CCDC102A: variants seen among roughly 807,000 people sequenced by gnomAD.
The protein encoded by CCDC102A is coiled-coil domain containing 102A.
In CCDC102A, 40 loss-of-function variants were observed where a neutral mutation model predicts 55.5. The observed-to-expected ratio is 0.72, with a 90% CI of 0.56 to 0.94. The LOEUF (loss-of-function observed/expected upper bound fraction) is 0.94. Among genes scored for constraint, CCDC102A ranks in the 40% least tolerant of loss-of-function variants. The probability of loss-of-function intolerance (pLI) is 0.00; values close to 1 mark genes in which losing one functional copy is unlikely to be tolerated. For missense variants in CCDC102A, 779 were observed against 768.6 expected, an observed-to-expected ratio of 1.01 and a Z score of -0.16; for synonymous variants, 323 against 339.0, an observed-to-expected ratio of 0.95 and a Z score of 0.52.
rs2032206322 is a variant in CCDC102A, at chr16:57,529,212, G to T, written c.-35C>A. The T allele has an allele frequency of 3.5e-6, 4 of 1,158,502 alleles. No homozygotes were observed. The highest frequency in any genetic ancestry group is 4.3e-6 in the Non-Finnish European group (4 of 940,024). The allele number at this position is 1,158,502 out of a possible 1,614,324, so 71.8% of individuals were successfully genotyped here. A position where few individuals can be genotyped will look rare whatever the true frequency, so the allele number is the denominator to read the frequency against. On this transcript the variant is annotated 5_prime_UTR_variant, in exon 2 of 9. Transcript: ENST00000258214. The surrounding 1 kb of genome is among the most constrained non-coding windows in gnomAD (Gnocchi z 4.1). The stretch of plus-strand genomic sequence containing the variant: ...GGGCGGGCCCTGAGCTCGAACTCGC[G>T]GTCGGGCTCAGGGGCGGCTCCGGGG...
chr16:57,514,997 C>T (rs2031928115), intron 8 of CCDC102A, among the ~76,000 whole-genome samples: 1 of 152,144 alleles, frequency 6.6e-6, no homozygotes, highest in Non-Finnish European at 1.5e-5. Flanking sequence ...CACCTGGGCC[C>T]AGTAACGCTG....
At chr16:57,527,471 G>C (rs1189934419) in intron 2 of CCDC102A, among the ~76,000 whole-genome samples, 1 of 150,710 alleles carries the variant, frequency 6.6e-6, no homozygotes, top group Non-Finnish European at 1.5e-5. Flanking sequence ...CCAGGCTGGA[G>C]TGCAATGGTG....
At chr16:57,523,445 C>T (rs2032083811) in intron 3 of CCDC102A, among the ~76,000 whole-genome samples, 1 of 151,992 alleles carries the variant, frequency 6.6e-6, no homozygotes, top group Admixed American at 6.6e-5. Context: ...ACCCTGACCT[C>T]TGCCTACATC....
intron 4 of CCDC102A, among the ~76,000 whole-genome samples, chr16:57,520,588 TAAC>T (rs2032029969): frequency 8.0e-6 from 1 of 125,452 alleles, no homozygotes; most frequent in Non-Finnish European, 1.6e-5. Flanking sequence ...TAACATAACA[TAAC>T]ATAAATAAAA....
At chr16:57,534,892 G>C (rs771473356) in intron 1 of CCDC102A, among the ~76,000 whole-genome samples, 1 of 152,218 alleles carries the variant, frequency 6.6e-6, no homozygotes, top group African/African-American at 2.4e-5. Flanking sequence ...TGGGAACAGC[G>C]TTGTGTTTTG....
Position 57,528,750 on chromosome 16 carries a change from C to T in CCDC102A, c.428G>A (p.Arg143His), listed in dbSNP as rs1413327021. Residue 143 changes from arginine to histidine, a missense_variant, in exon 2 of 9, where the codon CGC becomes CAC. Transcript: ENST00000258214. ...CTCGCACTCGCCCTGCGCCTCTTGG[C>T]GCTCGCGCCGTGCGCCCGCCAGCTC... ...TKELAGARRERQEAQGECEAR... is the reference protein window; with the variant it reads ...TKELAGARREHQEAQGECEAR... The T allele has an allele frequency of 2.6e-6, 3 of 1,173,698 alleles. No homozygotes were observed. The highest frequency in any genetic ancestry group is 3.2e-6 in the Non-Finnish European group (3 of 943,014). 72.7% of individuals were successfully genotyped at this position (1,173,698 alleles called of 1,614,324 possible).
upstream of CCDC102A, chr16:57,536,717 GGGGCTCCAGCCTAA>G (rs2032402170): frequency 6.6e-6 from 1 of 152,204 alleles, no homozygotes; most frequent in African/African-American, 2.4e-5. Flanking sequence ...TGCTGGGGTG[GGGGCTCCAGCCTAA>G]CTTCGGGGCG....
At chr16:57,519,256 C>T (rs1166938359) in intron 4 of CCDC102A, among the ~76,000 whole-genome samples, 1 of 152,222 alleles carries the variant, frequency 6.6e-6, no homozygotes, top group South Asian at 2.1e-4. Context: ...CTTTCTGAGA[C>T]ACTTCTTAGG....
intron 2 of CCDC102A, 109 bp downstream of exon 2, chr16:57,528,484 C>T (rs2032182141): frequency 1.2e-6 from 1 of 819,160 alleles, no homozygotes; most frequent in African/African-American, 1.9e-5. Context: ...GAAGTGAAAC[C>T]TCCAGGAGGC....
chr16:57,517,836 G>A (rs757127803), intron 6 of CCDC102A, among the ~76,000 whole-genome samples: 4 of 152,232 alleles, frequency 2.6e-5, no homozygotes, highest in Non-Finnish European at 4.4e-5. Flanking sequence ...AAGAGGGGAG[G>A]CCACATCTGT....
Position 57,521,065 on chromosome 16 carries a change from C to T in CCDC102A, c.921+3G>A, listed in dbSNP as rs754402891. 2.5e-6 allele frequency: 4 copies of T among 1,610,104 alleles called. No homozygotes were observed. In the South Asian group the frequency reaches 3.3e-5, roughly 13 times the overall value. ...GGAAGACCCTCTGGTCTCCAAGACT[C>T]ACCTGCTTGAGCATCTCCTGCTTGG... On this transcript the variant is annotated splice_donor_region_variant and intron_variant, in intron 4 of 8. Transcript: ENST00000258214.
In CCDC102A at chr16:57,521,060, A is replaced by G. The variant is rs1341320550; in HGVS notation, c.921+8T>C. 2 of 1,607,328 alleles carry G rather than the reference A, an allele frequency of 1.2e-6. No individual in the cohort carries two copies. Among genetic ancestry groups the G allele is most frequent in the Non-Finnish European group, 1.7e-6 (2 of 1,174,456 alleles). On this transcript the variant is annotated splice_region_variant and intron_variant, in intron 4 of 8. Transcript: ENST00000258214. ...CTCCAGGAAGACCCTCTGGTCTCCA[A>G]GACTCACCTGCTTGAGCATCTCCTG...
chr16:57,515,395 T>C lies in CCDC102A; in HGVS notation c.1469A>G (p.Glu490Gly). ...CAGGTTCTCGCTCTGCTCCGTCTGC[T>C]CGTCCAGCGACCGCTGCAGCTTACG... Reference protein sequence around the residue: ...QARKLQRSLDEQTEQSENLQV... With the variant: ...QARKLQRSLDGQTEQSENLQV... Residue 490 changes from glutamate to glycine, a missense_variant, in exon 8 of 9, where the codon GAG (glutamate) becomes GGG (glycine). Physicochemically the swap from Glu to Gly is moderately conservative, Grantham distance 98 (BLOSUM62 -2). Transcript: ENST00000258214. 10 of 1,609,984 alleles carry C rather than the reference T, an allele frequency of 6.2e-6. No individual in the cohort carries two copies. Among genetic ancestry groups the C allele is most frequent in the Non-Finnish European group, 8.5e-6 (10 of 1,179,296 alleles).
chr16:57,520,278 G>A (rs1369296707), intron 4 of CCDC102A, among the ~76,000 whole-genome samples: 1 of 152,110 alleles, frequency 6.6e-6, no homozygotes, highest in Non-Finnish European at 1.5e-5. Flanking sequence ...CCTTTGCACC[G>A]CTGTGCCTTC....
chr16:57,524,741 G>C (rs539294062), intron 3 of CCDC102A, among the ~76,000 whole-genome samples: 2 of 150,546 alleles, frequency 1.3e-5, no homozygotes, highest in Non-Finnish European at 3.0e-5. Context: ...TGTGTAGATA[G>C]GTTATGCTAT....
chr16:57,513,837 T>A (rs2031908979), intron 8 of CCDC102A, among the ~76,000 whole-genome samples: 1 of 152,236 alleles, frequency 6.6e-6, no homozygotes. Flanking sequence ...AGGCTCAGTT[T>A]ACCATGGCAC....
chr16:57,532,313 A>T (rs1435241697), intron 1 of CCDC102A, among the ~76,000 whole-genome samples: 1 of 152,130 alleles, frequency 6.6e-6, no homozygotes, highest in East Asian at 1.9e-4. Flanking sequence ...CCCGACCCTG[A>T]TAACATCTGT....
At chr16:57,533,927 G>C (rs1303650127) in intron 1 of CCDC102A, among the ~76,000 whole-genome samples, 8 of 152,118 alleles carry the variant, frequency 5.3e-5, no homozygotes, top group Admixed American at 5.2e-4. Context: ...CTGTTCCCTT[G>C]GCATACTGCC....
At position 57,525,894 on chromosome 16, in the gene CCDC102A, GACTC is replaced by G; in HGVS notation, c.812+3_812+6del. The G allele has an allele frequency of 6.2e-7, 1 of 1,611,656 alleles. No individual in the cohort carries two copies. Among genetic ancestry groups the G allele is most frequent in the Non-Finnish European group, 8.5e-7 (1 of 1,179,150 alleles). ...GGCCCTGCCCCCTCCCGCCTCCCAC[GACTC>G]ACTCTCGCTCCTTGAGCAGCACCTT... is the stretch of plus-strand genomic sequence containing the variant. On this transcript the variant is annotated splice_donor_5th_base_variant and intron_variant, in intron 3 of 8. Transcript: ENST00000258214.
Sources: gnomAD v4.1 joint callset for allele counts (sites outside exome capture counted in the v4.1 genomes callset) on GRCh38, gnomAD v4.1.1 for gene constraint, Gnocchi (gnomAD v3.1) non-coding constraint, MANE v1.5 for transcripts, NCBI Gene and HGNC (gene_info 2026-07-23, HGNC 2026-07-21) for gene names.